The following TRIO variants were observed in gnomAD, a reference collection of about 807,000 sequenced individuals.
TRIO encodes the protein triple functional domain protein.
A neutral mutation model predicts 351.9 loss-of-function variants in TRIO; 58 were observed. That is an observed-to-expected ratio of 0.16 (90% CI 0.13 to 0.21). The LOEUF (loss-of-function observed/expected upper bound fraction) is 0.21, where lower values mean the gene tolerates loss of function less well. Among genes scored for constraint, TRIO ranks in the 10% least tolerant of loss-of-function variants. TRIO has a pLI of 1.00. For synonymous variants in TRIO, 1,758 were observed against 1,595.7 expected (o/e 1.10, Z -2.42); for missense variants, 3,201 against 4,027.8 (o/e 0.79, Z 5.56).
At chr5:14,194,934 CTAGA>C (rs1371287365) in intron 1 of TRIO, among the ~76,000 whole-genome samples, 5 of 152,116 alleles carry the variant, frequency 3.3e-5, no homozygotes, top group South Asian at 2.1e-4. Flanking sequence ...CATGTATCAC[CTAGA>C]TAAACTTTTT....
chr5:14,308,649 TCATCCATCCATC>T (rs55799712), intron 8 of TRIO, among the ~76,000 whole-genome samples: 45 of 139,400 alleles, frequency 3.2e-4, no homozygotes, highest in East Asian at 1.2e-3. Flanking sequence ...CACCCATTCA[TCATCCATCCATC>T]CATCCATCCA....
At chr5:14,392,095 ATTTTAGAAACCC>A (rs1184556754) in intron 27 of TRIO, among the ~76,000 whole-genome samples, 1 of 152,232 alleles carries the variant, frequency 6.6e-6, no homozygotes, top group African/African-American at 2.4e-5. Flanking sequence ...AATCAAAGCC[ATTTTAGAAACCC>A]TTATGCCCCA....
chr5:14,468,375 C>T (rs773228277), intron 37 of TRIO, among the ~76,000 whole-genome samples: 9 of 152,254 alleles, frequency 5.9e-5, no homozygotes, highest in East Asian at 1.9e-4. Flanking sequence ...CCTTCAGCCT[C>T]GGAGACTGTC....
At chr5:14,495,784 G>A (rs1264499178) in intron 49 of TRIO, among the ~76,000 whole-genome samples, 1 of 150,808 alleles carries the variant, frequency 6.6e-6, no homozygotes, top group Non-Finnish European at 1.5e-5. Context: ...CTGGCTAACA[G>A]TGAAACCCCA....
In TRIO at chr5:14,486,264, C is replaced by T. The variant is rs769052421; in HGVS notation, c.6835+1018C>T. On this transcript the variant is annotated intron_variant, in intron 47 of 56. Transcript: ENST00000344204. Reference sequence around the variant, plus strand: ...TTCACGGTCTGCATCTATGCCTGCTCAAGCTCAATAGGATGTTGTAATGTT... The same window carrying T: ...TTCACGGTCTGCATCTATGCCTGCTTAAGCTCAATAGGATGTTGTAATGTT... 2.6e-5 allele frequency among the ~76,000 whole-genome samples: 4 copies of T among 152,188 alleles called. 1 individual carries two copies. The highest frequency in any genetic ancestry group is 4.8e-5 in the African/African-American group (2 of 41,446).
rs1753730849 is a variant in TRIO, at chr5:14,460,890, C to G, written c.5204-129C>G. The G allele has an allele frequency of 7.1e-6, 8 of 1,120,956 alleles. No homozygotes were observed. In the South Asian group the frequency reaches 1.2e-4, roughly 17 times the overall value. 69.4% of individuals were successfully genotyped at this position (1,120,956 alleles called of 1,614,324 possible). On this transcript the variant is annotated intron_variant, in intron 34 of 56. Transcript: ENST00000344204. ...CATCAGCCCCTGTCATCTCACACCC[C>G]GTAGGCAAAGCCCGCTGACGAGGCA...
At chr5:14,396,217 C>T (rs1182658747) in intron 28 of TRIO, among the ~76,000 whole-genome samples, 1 of 151,844 alleles carries the variant, frequency 6.6e-6, no homozygotes, top group Non-Finnish European at 1.5e-5. Context: ...TTCTAAACAT[C>T]CTACGCAAAA....
At chr5:14,280,292 C>G (rs1209844829) in intron 2 of TRIO, 30 bp from the exon 3 acceptor site, 16 of 1,582,266 alleles carry the variant, frequency 1.0e-5, no homozygotes, top group Non-Finnish European at 1.4e-5. Flanking sequence ...TATCTTGTGT[C>G]TAAGTGTATT....
chr5:14,420,206 AC>A, intron 34 of TRIO, 185 bp downstream of exon 34: 1 of 868,838 alleles, frequency 1.2e-6, no homozygotes, highest in Non-Finnish European at 1.7e-6. Context: ...TGAGGATTTC[AC>A]CCACGACTCA....
intron 41 of TRIO, chr5:14,477,181 C>T (rs985365901): frequency 2.3e-5 from 12 of 518,614 alleles, no homozygotes; most frequent in Non-Finnish European, 4.1e-5. Context: ...ATTTGGCTAG[C>T]AACAGTACAG....
intron 36 of TRIO, among the ~76,000 whole-genome samples, chr5:14,464,193 G>A (rs1013353476): frequency 6.6e-6 from 1 of 152,172 alleles, no homozygotes; most frequent in Non-Finnish European, 1.5e-5. Context: ...TATTTCCTAA[G>A]CTATTTTGTA....
At chr5:14,250,274 C>T (rs1316744112) in intron 1 of TRIO, among the ~76,000 whole-genome samples, 1 of 152,190 alleles carries the variant, frequency 6.6e-6, no homozygotes, top group African/African-American at 2.4e-5. Context: ...TCTGAGCCAC[C>T]TCTGCGCTGC....
At chr5:14,403,716 A>T (rs1287918781) in intron 31 of TRIO, among the ~76,000 whole-genome samples, 9 of 82,238 alleles carry the variant, frequency 1.1e-4, no homozygotes, top group African/African-American at 3.9e-4. Context: ...GTGAGGGTGT[A>T]GGTTGTGGTG....
intron 9 of TRIO, among the ~76,000 whole-genome samples, chr5:14,327,895 G>T (rs946252272): frequency 1.3e-5 from 2 of 152,206 alleles, no homozygotes; most frequent in Non-Finnish European, 2.9e-5. Flanking sequence ...GCCGTGGAAT[G>T]GACCTGTGTT....
At chr5:14,261,208 A>T (rs1287020318) in intron 1 of TRIO, among the ~76,000 whole-genome samples, 2 of 152,210 alleles carry the variant, frequency 1.3e-5, no homozygotes, top group African/African-American at 4.8e-5. Flanking sequence ...CTGGAAATGT[A>T]TAGACTGTCT....
At chr5:14,247,324 A>G (rs901631221) in intron 1 of TRIO, among the ~76,000 whole-genome samples, 3 of 152,270 alleles carry the variant, frequency 2.0e-5, no homozygotes, top group South Asian at 2.1e-4. Flanking sequence ...AATTAGGGGA[A>G]GATTAGCCTG....
intron 16 of TRIO, among the ~76,000 whole-genome samples, chr5:14,367,837 G>A (rs1345782890): frequency 2.6e-5 from 4 of 152,100 alleles, no homozygotes; most frequent in Middle Eastern, 6.3e-3. Flanking sequence ...CTCTTCCTGA[G>A]GTGCAAACTC....
At chr5:14,273,941 A>G (rs1581500889) in intron 2 of TRIO, among the ~76,000 whole-genome samples, 1 of 152,242 alleles carries the variant, frequency 6.6e-6, no homozygotes, top group Non-Finnish European at 1.5e-5. Flanking sequence ...CACTTCAGCA[A>G]CTTGTTTCAT....
intron 1 of TRIO, among the ~76,000 whole-genome samples, chr5:14,177,459 T>C (rs1438618786): frequency 1.3e-5 from 2 of 152,204 alleles, no homozygotes; most frequent in Non-Finnish European, 2.9e-5. Context: ...CATCCTAGGT[T>C]TGTACCATCC....
Sources: allele counts gnomAD v4.1 joint callset (sites outside exome capture counted in the v4.1 genomes callset), GRCh38; gene constraint gnomAD v4.1.1; transcripts MANE v1.5; gene names NCBI Gene and HGNC (gene_info 2026-07-23, HGNC 2026-07-21).